Variants in HELZ observed in about 807,000 individuals in gnomAD.
The protein encoded by HELZ is ATP-dependent RNA helicase with zinc finger domain.
Under a neutral mutation model 218.2 loss-of-function variants are expected in HELZ, and 23 were observed. The observed-to-expected ratio is 0.11, with a 90% CI of 0.08 to 0.15. The LOEUF (loss-of-function observed/expected upper bound fraction) is 0.15. HELZ is among the 10% of genes least tolerant of loss of function. The probability of loss-of-function intolerance (pLI) is 1.00; values close to 1 mark genes in which losing one functional copy is unlikely to be tolerated. For synonymous variants in HELZ, 814 were observed against 829.4 expected (o/e 0.98, Z 0.32); for missense variants, 1,813 against 2,353.7 (o/e 0.77, Z 4.75).
At chr17:67,119,870 A>C (rs936829195) in intron 27 of HELZ, 1 of 377,176 alleles carries the variant, frequency 2.7e-6, no homozygotes, top group East Asian at 9.3e-5. Flanking sequence ...GACACCAATC[A>C]TAAGTGGTAG....
At chr17:67,242,699 A>C (rs766656924) in intron 2 of HELZ, among the ~76,000 whole-genome samples, 1 of 152,058 alleles carries the variant, frequency 6.6e-6, no homozygotes, top group Non-Finnish European at 1.5e-5. Context: ...AAATTATATG[A>C]AATAAACATA....
chr17:67,090,719 G>A (rs2036550995), intron 31 of HELZ, among the ~76,000 whole-genome samples: 1 of 152,090 alleles, frequency 6.6e-6, no homozygotes, highest in African/African-American at 2.4e-5. Context: ...TACTGGGTCT[G>A]TAGTGACCCA....
chr17:67,152,140 G>A (rs1347498957), intron 17 of HELZ, among the ~76,000 whole-genome samples: 3 of 152,288 alleles, frequency 2.0e-5, no homozygotes, highest in South Asian at 4.1e-4. Context: ...TTTAACACCC[G>A]GCTCCAGGGC....
In HELZ at chr17:67,078,173, T is replaced by A. The variant is rs1411668212; in HGVS notation, c.*79A>T. 7.4e-6 allele frequency: 7 copies of A among 942,920 alleles called. No individual in the cohort carries two copies. In the South Asian group the frequency reaches 1.0e-4, roughly 14 times the overall value. The allele number at this position is 942,920 out of a possible 1,614,324, so 58.4% of individuals were successfully genotyped here. The stretch of plus-strand genomic sequence containing the variant: ...TAAAACAAAGGGAACTGTGCATCTA[T>A]AGATGAAGTCCAACTACCTTAATTC... On this transcript the variant is annotated 3_prime_UTR_variant, in exon 33 of 33. Transcript: ENST00000358691.
intron 25 of HELZ, 65 bp from the exon 26 acceptor site, chr17:67,123,225 T>C (rs2037673360): frequency 8.7e-6 from 8 of 920,372 alleles, no homozygotes; most frequent in Non-Finnish European, 1.1e-5. Flanking sequence ...AAAAATAATT[T>C]AAATCATTCA....
At chr17:67,187,527 T>C (rs2039788743) in intron 12 of HELZ, among the ~76,000 whole-genome samples, 1 of 152,194 alleles carries the variant, frequency 6.6e-6, no homozygotes, top group South Asian at 2.1e-4. Flanking sequence ...GTAAAAAACG[T>C]CCTCCACAAT....
intron 31 of HELZ, among the ~76,000 whole-genome samples, chr17:67,098,880 A>T (rs1598211779): frequency 6.6e-6 from 1 of 152,262 alleles, no homozygotes; most frequent in East Asian, 1.9e-4. Context: ...AGAAAACTAT[A>T]GGACATGCTA....
intron 32 of HELZ, among the ~76,000 whole-genome samples, chr17:67,086,184 G>C (rs367727310): frequency 6.6e-6 from 1 of 152,074 alleles, no homozygotes; most frequent in South Asian, 2.1e-4. Flanking sequence ...CCCAAACAAA[G>C]GTGATTCTAT....
intron 21 of HELZ, among the ~76,000 whole-genome samples, chr17:67,144,155 G>A (rs1160083326): frequency 6.6e-6 from 1 of 152,082 alleles, no homozygotes; most frequent in African/African-American, 2.4e-5. Flanking sequence ...AAAGCCCAGA[G>A]CTTCTAAAAT....
intron 32 of HELZ, 116 bp from the exon 33 acceptor site, chr17:67,078,702 G>T: frequency 1.6e-6 from 1 of 626,974 alleles, no homozygotes; most frequent in Non-Finnish European, 2.5e-6. Flanking sequence ...GGACAGTATA[G>T]CCACAAGGAC....
intron 5 of HELZ, among the ~76,000 whole-genome samples, chr17:67,210,922 AAAGT>A (rs1008366936): frequency 3.3e-5 from 5 of 152,238 alleles, no homozygotes; most frequent in African/African-American, 1.2e-4. Flanking sequence ...CTCAAAAAAA[AAAGT>A]AAGTTTCCTA....
At chr17:67,226,279 G>A (rs1181182036) in intron 3 of HELZ, among the ~76,000 whole-genome samples, 20 of 142,718 alleles carry the variant, frequency 1.4e-4, no homozygotes, top group Non-Finnish European at 9.2e-5. Context: ...AAAGAAAAAA[G>A]GAAAAAAAAA....
intron 13 of HELZ, among the ~76,000 whole-genome samples, chr17:67,172,297 C>T (rs906507699): frequency 6.6e-6 from 1 of 152,194 alleles, no homozygotes; most frequent in African/African-American, 2.4e-5. Flanking sequence ...TCCTCCAGTG[C>T]AGTGCTGAGC....
chr17:67,180,831 T>G (rs948522546), intron 12 of HELZ, among the ~76,000 whole-genome samples: 6 of 139,094 alleles, frequency 4.3e-5, no homozygotes, highest in African/African-American at 1.7e-4. Context: ...TGAGCGGAGA[T>G]CGCGCCACTG....
At chr17:67,121,061 C>G (rs1567817522) in intron 26 of HELZ, among the ~76,000 whole-genome samples, 1 of 152,120 alleles carries the variant, frequency 6.6e-6, no homozygotes, top group Non-Finnish European at 1.5e-5. Flanking sequence ...AGTCTCAACT[C>G]AAAAAACTGG....
In HELZ at chr17:67,123,101, G is replaced by A. The variant is rs183613778; in HGVS notation, c.3499C>T (p.Pro1167Ser). Reference protein sequence around the residue: ...NPIRAYTPPPPLGPHPNLGKS... With the variant: ...NPIRAYTPPPSLGPHPNLGKS... ...CCCAAATTTGGGTGAGGTCCAAGAGGGGGTGGAGGAGTATATGCTCTAATA... is the reference window on the plus strand; with the variant it reads ...CCCAAATTTGGGTGAGGTCCAAGAGAGGGTGGAGGAGTATATGCTCTAATA... Residue 1167 changes from proline to serine, a missense_variant, in exon 26 of 33, where the codon CCT becomes TCT. Pro to Ser is a moderately conservative substitution (Grantham distance 74, BLOSUM62 -1). Transcript: ENST00000358691. The A allele has an allele frequency of 1.5e-5, 24 of 1,613,570 alleles. 1 individual carries two copies. In the Admixed American group the frequency reaches 2.5e-4, roughly 17 times the overall value.
intron 7 of HELZ, among the ~76,000 whole-genome samples, chr17:67,197,368 A>G (rs1390391166): frequency 1.3e-5 from 2 of 152,138 alleles, no homozygotes; most frequent in African/African-American, 4.8e-5. Context: ...CCCAGTCTCA[A>G]GTATGTCTTT....
At chr17:67,080,195 GGTTA>G (rs1016151740) in intron 32 of HELZ, among the ~76,000 whole-genome samples, 42 of 152,048 alleles carry the variant, frequency 2.8e-4, no homozygotes, top group African/African-American at 9.4e-4. Flanking sequence ...TCCCTTGAAT[GGTTA>G]ATTAATCATT....
intron 1 of HELZ, chr17:67,244,923 G>GT (rs1477876529): frequency 1.0e-6 from 1 of 985,904 alleles, no homozygotes; most frequent in Non-Finnish European, 1.2e-6. Flanking sequence ...GAGGGGAAGG[G>GT]GACTAAGTAG....
Sources: allele counts gnomAD v4.1 joint callset (sites outside exome capture counted in the v4.1 genomes callset), GRCh38; gene constraint gnomAD v4.1.1; transcripts MANE v1.5; gene names NCBI Gene and HGNC (gene_info 2026-07-23, HGNC 2026-07-21).